GNG7: variants seen among roughly 807,000 people sequenced by gnomAD.
GNG7 encodes guanine nucleotide-binding protein G(I)/G(S)/G(O) subunit gamma-7.
A neutral mutation model predicts 4.0 loss-of-function variants in GNG7; 1 was observed. The observed-to-expected ratio is 0.25, with a 90% CI of 0.09 to 1.18. The LOEUF is 1.18. Ranked by LOEUF, GNG7 falls within the 50% of genes most tolerant of loss-of-function variation. The probability of loss-of-function intolerance (pLI) is 0.50; values close to 1 mark genes in which losing one functional copy is unlikely to be tolerated. For synonymous variants in GNG7, 34 were observed against 36.9 expected (o/e 0.92, Z 0.29); for missense variants, 86 against 91.9 (o/e 0.94, Z 0.26).
At chr19:2,635,370 A>G (rs1982280075) in intron 2 of GNG7, among the ~76,000 whole-genome samples, 1 of 152,198 alleles carries the variant, frequency 6.6e-6, no homozygotes, top group African/African-American at 2.4e-5. Context: ...AGGGAAAAAA[A>G]AGTAATCAAG....
At chr19:2,628,420 AT>A (rs1227869573) in intron 2 of GNG7, among the ~76,000 whole-genome samples, 1 of 152,104 alleles carries the variant, frequency 6.6e-6, no homozygotes, top group Non-Finnish European at 1.5e-5. Flanking sequence ...TGTCTGCCAC[AT>A]GGACCCTCCA....
rs956968737 is a variant in GNG7, at chr19:2,611,011, G to T, written c.-78+35213C>A. On this transcript the variant is annotated intron_variant, in intron 2 of 4. Coordinates refer to ENST00000382159, the MANE Select transcript of GNG7 (RefSeq NM_052847.3). The surrounding 1 kb of genome is among the most constrained non-coding windows in gnomAD (Gnocchi z 6.0). ...GGGCTCACGTGCCAGGCTCGGGGGGGGGGAAGCGTCCTCAACATTCTCAGA... is the reference window on the plus strand; with the variant it reads ...GGGCTCACGTGCCAGGCTCGGGGGGTGGGAAGCGTCCTCAACATTCTCAGA... 2 of 139,628 alleles carry T rather than the reference G, an allele frequency of 1.4e-5. No homozygotes were observed. Among genetic ancestry groups the T allele is most frequent in the Non-Finnish European group, 3.0e-5 (2 of 65,676 alleles). The allele number at this position is 139,628 out of a possible 1,614,324, so 8.6% of individuals were successfully genotyped here.
chr19:2,649,851 C>A (rs901636839), intron 1 of GNG7, among the ~76,000 whole-genome samples: 12 of 152,138 alleles, frequency 7.9e-5, no homozygotes, highest in Non-Finnish European at 1.3e-4. Flanking sequence ...AAAGAAGCCC[C>A]CTCGCCATCA....
At chr19:2,622,421 G>A (rs1048288840) in intron 2 of GNG7, among the ~76,000 whole-genome samples, 4 of 152,230 alleles carry the variant, frequency 2.6e-5, no homozygotes, top group African/African-American at 9.6e-5. Context: ...GATAAGCCCT[G>A]CAGAAGTCAA....
At chr19:2,568,586 TACACAC>T (rs61728281) in intron 2 of GNG7, among the ~76,000 whole-genome samples, 1 of 150,252 alleles carries the variant, frequency 6.7e-6, no homozygotes, top group Non-Finnish European at 1.5e-5. Flanking sequence ...CATGCACAAA[TACACAC>T]ATATATAGAC....
At chr19:2,515,742 A>T (rs1004786892) in intron 4 of GNG7, among the ~76,000 whole-genome samples, 1 of 151,894 alleles carries the variant, frequency 6.6e-6, no homozygotes, top group African/African-American at 2.4e-5. Flanking sequence ...TCCCATTTCT[A>T]TGAAATGTCC....
chr19:2,602,687 C>T (rs186277101), intron 2 of GNG7, among the ~76,000 whole-genome samples: 127 of 152,318 alleles, frequency 8.3e-4, no homozygotes, highest in Non-Finnish European at 1.5e-3. Flanking sequence ...CAATCCCATA[C>T]GCTGGACAGC....
chr19:2,541,984 T>C (rs1978975796), intron 3 of GNG7, among the ~76,000 whole-genome samples: 1 of 152,038 alleles, frequency 6.6e-6, no homozygotes, highest in East Asian at 1.9e-4. Context: ...ATGGTGCTTC[T>C]GTACCCAGTG....
chr19:2,678,904 G>T (rs8101257), intron 1 of GNG7, among the ~76,000 whole-genome samples: 45,379 of 151,760 alleles, frequency 0.3, 7,568 homozygotes, highest in East Asian at 0.56. Flanking sequence ...CGGTCCCTCC[G>T]ATTTCCAGAC....
intron 2 of GNG7, among the ~76,000 whole-genome samples, chr19:2,587,006 AAAAG>A (rs1980694972): frequency 6.6e-6 from 1 of 151,066 alleles, no homozygotes; most frequent in Non-Finnish European, 1.5e-5. Context: ...AAAAAAAAAA[AAAAG>A]AATGTCACCT....
chr19:2,538,141 A>G (rs1383386177), intron 3 of GNG7: 4 of 456,556 alleles, frequency 8.8e-6, no homozygotes, highest in Admixed American at 2.4e-5. Flanking sequence ...TGCAGTGGCT[A>G]CGGAGGCCCT....
chr19:2,599,772 A>G (rs888338773), intron 2 of GNG7, among the ~76,000 whole-genome samples: 1 of 152,066 alleles, frequency 6.6e-6, no homozygotes, highest in Non-Finnish European at 1.5e-5. Context: ...CCCCGTCTCT[A>G]CTAAAAATAC....
chr19:2,581,702 A>G (rs928228295), intron 2 of GNG7, among the ~76,000 whole-genome samples: 1 of 151,812 alleles, frequency 6.6e-6, no homozygotes, highest in Admixed American at 6.6e-5. Context: ...GGCCCCATTC[A>G]CTCTGCATCA....
chr19:2,694,503 C>G (rs531822077), intron 1 of GNG7, among the ~76,000 whole-genome samples: 197 of 151,178 alleles, frequency 1.3e-3, no homozygotes, highest in Admixed American at 3.3e-3. Flanking sequence ...TCCGGTCCCC[C>G]CTATCTGCAG....
intron 3 of GNG7, chr19:2,538,803 CTG>C (rs1294273037): frequency 2.6e-6 from 1 of 383,202 alleles, no homozygotes; most frequent in Non-Finnish European, 5.0e-6. Flanking sequence ...GAGTCTCACT[CTG>C]TCTCCCAGGC....
intron 2 of GNG7, among the ~76,000 whole-genome samples, chr19:2,584,246 C>T (rs191872641): frequency 1.4e-5 from 2 of 144,516 alleles, no homozygotes; most frequent in African/African-American, 5.2e-5. Flanking sequence ...AGCTCAAGAC[C>T]AGCCAGGGCA....
chr19:2,672,387 C>T (rs1038155324), intron 1 of GNG7, among the ~76,000 whole-genome samples: 1 of 151,950 alleles, frequency 6.6e-6, no homozygotes, highest in African/African-American at 2.4e-5. Flanking sequence ...AACTCCCAGC[C>T]TCAAGCAATC....
intron 3 of GNG7, among the ~76,000 whole-genome samples, chr19:2,553,397 CAT>C (rs369513158): frequency 2.2e-4 from 31 of 142,252 alleles, no homozygotes; most frequent in South Asian, 6.3e-4. Context: ...TATATATATA[CAT>C]ATATATATGT....
intron 2 of GNG7, among the ~76,000 whole-genome samples, chr19:2,622,524 G>A (rs1400011756): frequency 6.6e-6 from 1 of 152,182 alleles, no homozygotes; most frequent in Non-Finnish European, 1.5e-5. Context: ...GGAACCCAAT[G>A]CGAGCAACGC....
Sources: allele counts gnomAD v4.1 joint callset (sites outside exome capture counted in the v4.1 genomes callset), GRCh38; gene constraint gnomAD v4.1.1; non-coding constraint Gnocchi (gnomAD v3.1); transcripts MANE v1.5; gene names NCBI Gene and HGNC (gene_info 2026-07-23, HGNC 2026-07-21).